The following SUCLA2 variants were observed in gnomAD, a reference collection of about 807,000 sequenced individuals.
SUCLA2 encodes the protein succinate--CoA ligase [ADP-forming] subunit beta, mitochondrial.
In SUCLA2, 30 loss-of-function variants were observed where a neutral mutation model predicts 54.8. That is an observed-to-expected ratio of 0.55 (90% confidence interval 0.41 to 0.74). SUCLA2 has a LOEUF of 0.74. Ranked by LOEUF, SUCLA2 falls within the 30% of genes least tolerant of loss-of-function variation. The probability of loss-of-function intolerance (pLI) is 0.00; values close to 1 mark genes in which losing one functional copy is unlikely to be tolerated. For missense variants in SUCLA2, 476 were observed against 562.9 expected (o/e 0.85, Z 1.56); for synonymous variants, 172 against 188.9 (o/e 0.91, Z 0.74).
chr13:47,987,278 C>T (rs1226040166), intron 4 of SUCLA2, among the ~76,000 whole-genome samples: 6 of 152,082 alleles, frequency 3.9e-5, no homozygotes, highest in Non-Finnish European at 8.8e-5. Flanking sequence ...ATGGATAGAA[C>T]TCCTATCTCA....
chr13:47,952,156 T>C (rs1949781564), intron 8 of SUCLA2, among the ~76,000 whole-genome samples: 1 of 152,130 alleles, frequency 6.6e-6, no homozygotes, highest in Non-Finnish European at 1.5e-5. Flanking sequence ...TCTGTCTGAA[T>C]AGTCCTACAA....
chr13:48,000,623 G>A (rs1041974372), intron 1 of SUCLA2, among the ~76,000 whole-genome samples: 2 of 152,160 alleles, frequency 1.3e-5, no homozygotes, highest in Admixed American at 1.3e-4. Flanking sequence ...CAACTGGTTA[G>A]GTAGAAAACA....
intron 2 of SUCLA2, 151 bp from the exon 3 acceptor site, chr13:47,989,132 T>C (rs1950130100): frequency 2.6e-6 from 2 of 778,474 alleles, no homozygotes; most frequent in South Asian, 1.6e-5. Flanking sequence ...TTTATGTAGA[T>C]TTTCTAGATT....
In SUCLA2 at chr13:48,001,224, G is replaced by A. The variant is rs1237273718; in HGVS notation, c.46C>T (p.Leu16Phe). The A allele has an allele frequency of 1.2e-6, 2 of 1,608,232 alleles. No homozygotes were observed. Among genetic ancestry groups the A allele is most frequent in the East Asian group, 2.2e-5 (1 of 44,616 alleles). Reference protein sequence around the residue: ...FYGRLVAVATLRNHRPRTAQR... With the variant: ...FYGRLVAVATFRNHRPRTAQR... ...GCCGTCCGAGGCCGGTGGTTCCGAA[G>A]GGTGGCCACGGCCACTAGCCTGCCG... The change falls in exon 1 of 11, where the codon CTT becomes TTT. Residue 16 changes from leucine (L) to phenylalanine (F), a missense_variant. Transcript: ENST00000646932.
intron 2 of SUCLA2, among the ~76,000 whole-genome samples, chr13:47,996,227 G>A (rs1052810583): frequency 6.6e-6 from 1 of 151,174 alleles, no homozygotes; most frequent in Non-Finnish European, 1.5e-5. Context: ...GGAGGCTGAG[G>A]CAGGAGAATC....
At chr13:47,948,523 G>A (rs980626074) in intron 10 of SUCLA2, among the ~76,000 whole-genome samples, 5 of 151,956 alleles carry the variant, frequency 3.3e-5, no homozygotes, top group African/African-American at 1.2e-4. Context: ...CCTAACTTTT[G>A]GACTTCTGTA....
At chr13:47,997,118 A>G (rs909706006) in intron 1 of SUCLA2, 95 bp from the exon 2 acceptor site, 2 of 1,282,870 alleles carry the variant, frequency 1.6e-6, no homozygotes, top group Non-Finnish European at 2.2e-6. Flanking sequence ...AAACTGTTAC[A>G]TTACATTAGC....
intron 1 of SUCLA2, among the ~76,000 whole-genome samples, chr13:47,999,585 C>T (rs6561428): frequency 0.94 from 142,196 of 151,992 alleles, 66,544 homozygotes; most frequent in East Asian, 1. Flanking sequence ...CAGGCGCCTG[C>T]AGTCCCAGCT....
chr13:47,978,896 C>CA (rs1257931803), intron 4 of SUCLA2, among the ~76,000 whole-genome samples: 1 of 152,036 alleles, frequency 6.6e-6, no homozygotes, highest in East Asian at 1.9e-4. Flanking sequence ...TTTATGCAGT[C>CA]AAAAAACATA....
At chr13:48,000,949 C>G (rs1950225513) in intron 1 of SUCLA2, 8 of 1,402,208 alleles carry the variant, frequency 5.7e-6, no homozygotes, top group Non-Finnish European at 7.4e-6. Flanking sequence ...GCAGCCACGG[C>G]CGGGCCGCCG....
At position 47,945,673 on chromosome 13, in the gene SUCLA2, C is replaced by T. The variant is rs1488689805; in HGVS notation, c.1318-2228G>A. The T allele has an allele frequency of 2.6e-5, 3 of 117,546 alleles. No homozygotes were observed. The Admixed American group carries it at 2.6e-4, about 10-fold the overall frequency. 7.3% of individuals were successfully genotyped at this position (117,546 alleles called of 1,614,324 possible). ...ACACACACACACACACACACACACACACACACACACACAAAGTCCCCCCCT... is the reference window on the plus strand; with the variant it reads ...ACACACACACACACACACACACACATACACACACACACAAAGTCCCCCCCT... On this transcript the variant is annotated intron_variant, in intron 10 of 10. Transcript: ENST00000646932.
intron 6 of SUCLA2, among the ~76,000 whole-genome samples, chr13:47,957,740 G>A (rs182471623): frequency 3.2e-4 from 48 of 152,262 alleles, no homozygotes; most frequent in Non-Finnish European, 5.9e-4. Flanking sequence ...CTGTAATTGC[G>A]TGTTGTGTCC....
chr13:47,981,751 G>A (rs1950061826), intron 4 of SUCLA2, among the ~76,000 whole-genome samples: 1 of 152,220 alleles, frequency 6.6e-6, no homozygotes, highest in African/African-American at 2.4e-5. Flanking sequence ...AGGAGGCGGA[G>A]GTTGTGAGCC....
chr13:47,962,727 A>G (rs1949880808), intron 6 of SUCLA2, among the ~76,000 whole-genome samples: 1 of 152,220 alleles, frequency 6.6e-6, no homozygotes, highest in Non-Finnish European at 1.5e-5. Flanking sequence ...CAGAAAGACC[A>G]ATGACTGGAT....
intron 4 of SUCLA2, among the ~76,000 whole-genome samples, chr13:47,983,788 C>T (rs901290166): frequency 2.0e-5 from 3 of 152,138 alleles, no homozygotes; most frequent in Non-Finnish European, 4.4e-5. Context: ...CGCACCCAGC[C>T]TCTTTTCATT....
chr13:47,948,238 T>A (rs1802593064), intron 10 of SUCLA2, among the ~76,000 whole-genome samples: 1 of 152,162 alleles, frequency 6.6e-6, no homozygotes, highest in African/African-American at 2.4e-5. Flanking sequence ...TGACCGTTGT[T>A]TAAGATGATC....
intron 4 of SUCLA2, among the ~76,000 whole-genome samples, chr13:47,976,019 G>A (rs543780989): frequency 2.2e-4 from 34 of 152,196 alleles, no homozygotes; most frequent in South Asian, 8.3e-4. Flanking sequence ...AGCCAACGCA[G>A]GAGGACTGCT....
chr13:47,945,286 G>A (rs903904575), intron 10 of SUCLA2, among the ~76,000 whole-genome samples: 2 of 149,548 alleles, frequency 1.3e-5, no homozygotes, highest in African/African-American at 2.5e-5. Flanking sequence ...AGCTGGGCGT[G>A]GTGGCACACA....
chr13:47,943,764 G>A (rs71428265), intron 10 of SUCLA2, among the ~76,000 whole-genome samples: 103,343 of 137,506 alleles, frequency 0.75, 38,867 homozygotes, highest in East Asian at 0.84. Context: ...GTGTGTGTGT[G>A]TGTATATATA....
Sources: allele counts gnomAD v4.1 joint callset (sites outside exome capture counted in the v4.1 genomes callset), GRCh38; gene constraint gnomAD v4.1.1; transcripts MANE v1.5; gene names NCBI Gene and HGNC (gene_info 2026-07-23, HGNC 2026-07-21).